The following TFRC variants were observed in gnomAD, a reference collection of about 807,000 sequenced individuals.
TFRC encodes the protein transferrin receptor, also known as transferrin receptor protein 1.
Under a neutral mutation model 85.8 loss-of-function variants are expected in TFRC, and 35 were observed. That is an observed-to-expected ratio of 0.41 (90% CI 0.31 to 0.54). TFRC has a LOEUF of 0.54. Among genes scored for constraint, TFRC ranks in the 20% least tolerant of loss-of-function variants. TFRC has a pLI of 0.31. For synonymous variants in TFRC, 362 were observed against 328.6 expected, an observed-to-expected ratio of 1.10 and a Z score of -1.10; for missense variants, 828 against 921.5, an observed-to-expected ratio of 0.90 and a Z score of 1.31.
chr3:196,071,077 C>T (rs1250579785), intron 6 of TFRC, among the ~76,000 whole-genome samples: 1 of 152,216 alleles, frequency 6.6e-6, no homozygotes, highest in African/African-American at 2.4e-5. Context: ...GTATGTCAGG[C>T]ATTCTCCAAA....
At chr3:196,078,911 T>C (rs1263145741) in intron 1 of TFRC, among the ~76,000 whole-genome samples, 1 of 151,700 alleles carries the variant, frequency 6.6e-6, no homozygotes, top group East Asian at 2.0e-4. Flanking sequence ...GTAGCTGGGA[T>C]TACAGGTGCC....
Position 196,065,532 on chromosome 3 carries a change from C to T in TFRC, c.1109G>A (p.Ser370Asn). Reference protein sequence around the residue: ...DSTCRMVTSESKNVKLTVSNV... With the variant: ...DSTCRMVTSENKNVKLTVSNV... ...GCTCACAGTGAGCTTCACATTCTTG[C>T]TTTCTGAGGTTACCATCCTACATGT... Residue 370 changes from serine to asparagine, a missense_variant, in exon 10 of 19, where the codon AGC (serine) becomes AAC (asparagine). Ser to Asn is a conservative substitution (Grantham distance 46). Transcript: ENST00000360110. 6.2e-7 allele frequency: 1 copy of T among 1,602,474 alleles called. No homozygotes were observed. Among genetic ancestry groups the T allele is most frequent in the African/African-American group, 1.4e-5 (1 of 73,588 alleles).
intron 2 of TFRC, 25 bp downstream of exon 2, chr3:196,077,039 A>T: frequency 5.6e-6 from 9 of 1,610,042 alleles, no homozygotes; most frequent in Non-Finnish European, 7.6e-6. Context: ...TTGCAGACAC[A>T]GAAATACAAC....
chr3:196,067,225 G>A (rs1202131244), intron 9 of TFRC, among the ~76,000 whole-genome samples: 3 of 152,338 alleles, frequency 2.0e-5, no homozygotes, highest in Middle Eastern at 3.4e-3. Flanking sequence ...TATAGGCATC[G>A]TGCTTCAGCA....
Position 196,082,058 on chromosome 3 carries a change from G to A in TFRC, c.-39C>T, listed in dbSNP as rs1049130971. On this transcript the variant is annotated 5_prime_UTR_variant, in exon 1 of 19. It adds an upstream start codon to the 5' untranslated region. Coordinates refer to ENST00000360110, the MANE Select transcript of TFRC (RefSeq NM_001128148.3). ...CCGCACTCACACTAGCGCGTCCTCC[G>A]TCCCGAGCCGCCACCCGATATCCCG... 2 of 153,102 alleles carry A rather than the reference G, an allele frequency of 1.3e-5. No individual in the cohort carries two copies. The highest frequency in any genetic ancestry group is 4.8e-5 in the African/African-American group (2 of 41,462). The allele number at this position is 153,102 out of a possible 1,614,324, so 9.5% of individuals were successfully genotyped here. A position where few individuals can be genotyped will look rare whatever the true frequency, so the allele number is the denominator to read the frequency against.
chr3:196,070,508 C>T (rs1270672091), intron 6 of TFRC, among the ~76,000 whole-genome samples: 1 of 152,194 alleles, frequency 6.6e-6, no homozygotes, highest in East Asian at 1.9e-4. Flanking sequence ...CCACCTTGGA[C>T]TCCCAAAGTG....
Position 196,075,249 on chromosome 3 carries a change from T to C in TFRC, c.148A>G (p.Asn50Asp). 6.2e-7 allele frequency: 1 copy of C among 1,614,138 alleles called. No homozygotes were observed. The highest frequency in any genetic ancestry group is 8.5e-7 in the Non-Finnish European group (1 of 1,180,038). Reference sequence around the variant, plus strand: ...TTTGTGACATTGGCCTTTGTGTTATTGTCAGCATTTTCTTCTTCATCTACA... The same window carrying C: ...TTTGTGACATTGGCCTTTGTGTTATCGTCAGCATTTTCTTCTTCATCTACA... ...LAVDEEENAD[N>D]NTKANVTKPK... The change falls in exon 3 of 19, where the codon AAT becomes GAT. Residue 50 changes from asparagine (N) to aspartate (D), a missense_variant. Coordinates refer to ENST00000360110, the MANE Select transcript of TFRC (RefSeq NM_001128148.3).
Position 196,070,157 on chromosome 3 carries a change from G to C in TFRC, c.688-589C>G, listed in dbSNP as rs41303523. On this transcript the variant is annotated intron_variant, in intron 6 of 18. Coordinates refer to ENST00000360110, the MANE Select transcript of TFRC (RefSeq NM_001128148.3). ...TCTCTAAACTCCTGGCTTATAGGCA[G>C]CCAGGCAAAGGGATAAAGCACAAGT... Among the ~76,000 whole-genome samples the C allele has an allele frequency of 3.3e-5, 5 of 152,084 alleles. No individual in the cohort carries two copies. The South Asian group carries it at 1.0e-3, about 32-fold the overall frequency.
At chr3:196,056,060 G>A (rs1416992696) in intron 16 of TFRC, among the ~76,000 whole-genome samples, 2 of 151,686 alleles carry the variant, frequency 1.3e-5, no homozygotes, top group African/African-American at 4.8e-5. Flanking sequence ...GCCTTGAGAC[G>A]AGGTCACTCT....
At position 196,072,133 on chromosome 3, in the gene TFRC, A is replaced by G. The variant is rs371003718; in HGVS notation, c.454T>C (p.Tyr152His). ...TGAGATCCAGCCTCACGAGGGACAT[A>G]TGAATTTTCATTCAGCAGCCTGGAG... ...GTIKLLNENS[Y>H]VPREAGSQKD... Residue 152 changes from tyrosine to histidine, a missense_variant, in exon 5 of 19, where the codon TAT becomes CAT. Physicochemically the swap from Tyr to His is moderately conservative, Grantham distance 83. Transcript: ENST00000360110. 41 of 1,613,378 alleles carry G rather than the reference A, an allele frequency of 2.5e-5. No homozygotes were observed. The highest frequency in any genetic ancestry group is 4.0e-5 in the African/African-American group (3 of 74,908).
In TFRC at chr3:196,053,456, T is replaced by C. The variant is rs756814648; in HGVS notation, c.2002A>G (p.Arg668Gly). The part of the protein sequence containing the change: ...TDFGNAEKTD[R>G]FVMKKLNDRV... ...TCATTGAGTTTCTTCATGACAAATC[T>C]GTCTGTTTTCTCAGCATTCCCGAAA... The change falls in exon 18 of 19, where the codon AGA becomes GGA. Residue 668 changes from arginine to glycine, a missense_variant. Arg to Gly is a moderately radical substitution (Grantham distance 125). Transcript: ENST00000360110. 4 of 1,614,224 alleles carry C rather than the reference T, an allele frequency of 2.5e-6. No homozygotes were observed. The highest frequency in any genetic ancestry group is 4.5e-5 in the East Asian group (2 of 44,878).
At chr3:196,066,005 A>G (rs1282755187) in intron 9 of TFRC, among the ~76,000 whole-genome samples, 1 of 150,436 alleles carries the variant, frequency 6.6e-6, no homozygotes, top group Non-Finnish European at 1.5e-5. Context: ...AAAACAAAAC[A>G]AAACAAAACA....
At chr3:196,064,530 T>C (rs1717556156) in intron 10 of TFRC, 102 bp from the exon 11 acceptor site, 2 of 1,096,152 alleles carry the variant, frequency 1.8e-6, no homozygotes, top group Non-Finnish European at 2.4e-6. Flanking sequence ...AGTATATGTA[T>C]TAAGGATAAA....
At chr3:196,053,000 G>A (rs1241661571) in intron 18 of TFRC, among the ~76,000 whole-genome samples, 1 of 151,966 alleles carries the variant, frequency 6.6e-6, no homozygotes, top group Admixed American at 6.6e-5. Flanking sequence ...TGTAATCACA[G>A]CAACTCGGGA....
chr3:196,055,034 A>ATTTTG, intron 17 of TFRC, 46 bp downstream of exon 17: 3 of 1,565,564 alleles, frequency 1.9e-6, no homozygotes, highest in African/African-American at 1.4e-5. Context: ...ATTTCAAAAT[A>ATTTTG]CTTGACATTC....
At chr3:196,054,937 T>C in intron 17 of TFRC, 143 bp downstream of exon 17, 1 of 831,528 alleles carries the variant, frequency 1.2e-6, no homozygotes, top group Non-Finnish European at 1.9e-6. Flanking sequence ...AAGTTACCAA[T>C]TCTACATACA....
rs183406442 is a variant in TFRC, at chr3:196,049,673, A to G, written c.*2269T>C. ...GCTGCAAAATGCATGCCCTGTATTC[A>G]TATTGTGTTATACGATGAACATGCC... On this transcript the variant is annotated 3_prime_UTR_variant, in exon 19 of 19. Coordinates refer to ENST00000360110, the MANE Select transcript of TFRC (RefSeq NM_001128148.3). 4.4e-6 allele frequency: 1 copy of G among 229,204 alleles called. No individual in the cohort carries two copies. Among genetic ancestry groups the G allele is most frequent in the African/African-American group, 2.2e-5 (1 of 45,244 alleles). 14.2% of individuals were successfully genotyped at this position (229,204 alleles called of 1,614,324 possible).
At chr3:196,067,721 A>G in intron 8 of TFRC, 64 bp from the exon 9 acceptor site, 1 of 1,577,198 alleles carries the variant, frequency 6.3e-7, no homozygotes, top group South Asian at 1.2e-5. Context: ...TGTAAGATTC[A>G]GGTTTGGTAT....
At chr3:196,075,044 T>TC in intron 3 of TFRC, 115 bp downstream of exon 3, 2 of 714,518 alleles carry the variant, frequency 2.8e-6, no homozygotes. Context: ...AGCCTCTGTC[T>TC]CCAAAAAAAA....
Sources: allele counts gnomAD v4.1 joint callset (sites outside exome capture counted in the v4.1 genomes callset), GRCh38; gene constraint gnomAD v4.1.1; transcripts MANE v1.5; gene names NCBI Gene and HGNC (gene_info 2026-07-23, HGNC 2026-07-21).